The following SHANK2 variants were observed in gnomAD, a reference collection of about 807,000 sequenced individuals.
SHANK2 encodes the protein SH3 and multiple ankyrin repeat domains 2.
SHANK2 carries 43 observed loss-of-function variants against 133.7 expected under a neutral mutation model. The ratio of observed to expected loss-of-function variants is 0.32; its 90% CI spans 0.25 to 0.41. The LOEUF is 0.41. SHANK2 is among the 10% of genes least tolerant of loss of function. SHANK2 has a pLI of 1.00. For missense variants in SHANK2, 1,994 were observed against 2,235.8 expected, an observed-to-expected ratio of 0.89 and a Z score of 2.18; for synonymous variants, 1,017 against 952.8, an observed-to-expected ratio of 1.07 and a Z score of -1.24.
intron 2 of SHANK2, among the ~76,000 whole-genome samples, chr11:71,220,506 AC>A (rs1954514038): frequency 6.6e-6 from 1 of 152,192 alleles, no homozygotes; most frequent in Non-Finnish European, 1.5e-5. Context: ...ACTATTCACA[AC>A]AGCCAAAAGG....
At chr11:70,567,380 G>A (rs1256266190) in intron 17 of SHANK2, among the ~76,000 whole-genome samples, 1 of 152,142 alleles carries the variant, frequency 6.6e-6, no homozygotes, top group Non-Finnish European at 1.5e-5. Context: ...TATAATCCTA[G>A]CACTTTGGGA....
At chr11:70,563,028 C>T (rs182179997) in intron 17 of SHANK2, among the ~76,000 whole-genome samples, 9 of 152,186 alleles carry the variant, frequency 5.9e-5, no homozygotes, top group East Asian at 5.8e-4. Flanking sequence ...CCCACCACCG[C>T]GCCTGGCTAA....
At chr11:70,657,628 G>A (rs992822794) in intron 17 of SHANK2, among the ~76,000 whole-genome samples, 4 of 152,208 alleles carry the variant, frequency 2.6e-5, no homozygotes, top group Non-Finnish European at 4.4e-5. Context: ...GCTGTGGAGG[G>A]CCCAGTGCTC....
chr11:70,921,452 A>C (rs1171149971), intron 10 of SHANK2, among the ~76,000 whole-genome samples: 2 of 152,258 alleles, frequency 1.3e-5, no homozygotes, highest in African/African-American at 4.8e-5. Context: ...AGGGCTCCTA[A>C]GGCAAAAACT....
intron 13 of SHANK2, among the ~76,000 whole-genome samples, chr11:70,800,918 T>C (rs1451639833): frequency 6.6e-6 from 1 of 152,206 alleles, no homozygotes; most frequent in Non-Finnish European, 1.5e-5. Context: ...CTGTTTTATA[T>C]GGGCCTGGGG....
At position 71,092,535 on chromosome 11, in the gene SHANK2, G is replaced by T. The variant is rs1555094305; in HGVS notation, c.799C>A (p.Pro267Thr). The change falls in exon 8 of 26, where the codon CCG becomes ACG. Residue 267 changes from proline to threonine, a missense_variant. Pro to Thr is a conservative substitution (Grantham distance 38). Coordinates refer to ENST00000601538, the MANE Select transcript of SHANK2 (RefSeq NM_012309.5). ...CCGACGATGGCTGTGTGATACAGCG[G>T]GGTGAGGCCGTAACTGTCTTTATAA... Reference protein sequence around the residue: ...PDYKDSYGLTPLYHTAIVGGD... With the variant: ...PDYKDSYGLTTLYHTAIVGGD... The T allele has an allele frequency of 1.9e-6, 3 of 1,551,782 alleles. No homozygotes were observed. Among genetic ancestry groups the T allele is most frequent in the Admixed American group, 3.9e-5 (2 of 50,986 alleles).
chr11:70,638,096 T>C (rs1238151258), intron 17 of SHANK2, among the ~76,000 whole-genome samples: 1 of 152,172 alleles, frequency 6.6e-6, no homozygotes, highest in Non-Finnish European at 1.5e-5. Context: ...CACACAGCAA[T>C]TTGGGGCTAA....
At chr11:70,718,011 C>T (rs1047805964) in intron 14 of SHANK2, among the ~76,000 whole-genome samples, 6 of 152,300 alleles carry the variant, frequency 3.9e-5, no homozygotes, top group Middle Eastern at 3.4e-3. Flanking sequence ...ACTGGAGCCG[C>T]GTCCTTCCAC....
Position 70,500,035 on chromosome 11 carries a change from G to A in SHANK2, c.2308+535C>T, listed in dbSNP as rs1168056705. On this transcript the variant is annotated intron_variant, in intron 21 of 25. Transcript: ENST00000601538. This position sits in a 1 kb window ranked among gnomAD's most constrained non-coding sequence, Gnocchi z 4.5. The stretch of plus-strand genomic sequence containing the variant: ...TGAGTCTATCTGGGGCCTGCGGTCC[G>A]GCTGCCCACAGCCACAGTGACTGCC... Among the ~76,000 whole-genome samples the A allele has an allele frequency of 2.6e-5, 4 of 152,130 alleles. No individual in the cohort carries two copies. The highest frequency in any genetic ancestry group is 7.2e-5 in the African/African-American group (3 of 41,432).
chr11:70,525,292 C>T (rs950055753), intron 17 of SHANK2, among the ~76,000 whole-genome samples: 1 of 152,226 alleles, frequency 6.6e-6, no homozygotes, highest in African/African-American at 2.4e-5. Flanking sequence ...CAGGCTTGCC[C>T]AGCTAGGTCA....
At chr11:71,075,680 C>A (rs1951209366) in intron 8 of SHANK2, among the ~76,000 whole-genome samples, 1 of 152,204 alleles carries the variant, frequency 6.6e-6, no homozygotes, top group Non-Finnish European at 1.5e-5. Flanking sequence ...TACCCAAGCT[C>A]CCCCTTCCAA....
chr11:70,643,734 T>C (rs900823743), intron 17 of SHANK2, among the ~76,000 whole-genome samples: 4 of 152,156 alleles, frequency 2.6e-5, no homozygotes, highest in Non-Finnish European at 5.9e-5. Flanking sequence ...TGAATGAGGG[T>C]TGAGCTCCTG....
intron 16 of SHANK2, 72 bp downstream of exon 16, chr11:70,661,523 AC>A: frequency 6.4e-6 from 2 of 311,032 alleles, no homozygotes; most frequent in Non-Finnish European, 1.3e-5. Context: ...ACACACACAC[AC>A]ACACACACAC....
intron 17 of SHANK2, among the ~76,000 whole-genome samples, chr11:70,653,101 T>C (rs2061356834): frequency 6.6e-6 from 1 of 150,612 alleles, no homozygotes; most frequent in Non-Finnish European, 1.5e-5. Context: ...GCCTCCCGAG[T>C]AGCTGGGACT....
At chr11:71,197,010 A>C (rs1057190486) in intron 2 of SHANK2, among the ~76,000 whole-genome samples, 55 of 150,430 alleles carry the variant, frequency 3.7e-4, no homozygotes, top group Admixed American at 2.2e-3. Context: ...AAAAAAAAAA[A>C]AAAAAAAAAC....
chr11:70,592,087 G>A (rs1350964516), intron 17 of SHANK2, among the ~76,000 whole-genome samples: 5 of 151,970 alleles, frequency 3.3e-5, no homozygotes, highest in Admixed American at 1.3e-4. Flanking sequence ...AAGCAGAGGT[G>A]TGGAGACTAC....
intron 10 of SHANK2, among the ~76,000 whole-genome samples, chr11:70,912,490 G>A (rs1555079218): frequency 6.6e-6 from 1 of 152,156 alleles, no homozygotes; most frequent in African/African-American, 2.4e-5. Context: ...AGGTTTACCA[G>A]GGGTTTCTGC....
intron 17 of SHANK2, among the ~76,000 whole-genome samples, chr11:70,516,311 A>C (rs1295763554): frequency 8.5e-5 from 13 of 152,366 alleles, no homozygotes; most frequent in African/African-American, 3.1e-4. Context: ...GAAAGCCCAG[A>C]AATAGACCCA....
intron 14 of SHANK2, among the ~76,000 whole-genome samples, chr11:70,726,762 G>C (rs1946189021): frequency 6.6e-6 from 1 of 152,172 alleles, no homozygotes; most frequent in South Asian, 2.1e-4. Flanking sequence ...CCTTAAACTT[G>C]GTCTGGTCCT....
Sources: allele counts gnomAD v4.1 joint callset (sites outside exome capture counted in the v4.1 genomes callset), GRCh38; gene constraint gnomAD v4.1.1; non-coding constraint Gnocchi (gnomAD v3.1); transcripts MANE v1.5; gene names NCBI Gene and HGNC (gene_info 2026-07-23, HGNC 2026-07-21).